Variants in RAP1GAP2 observed in about 807,000 individuals in gnomAD.
RAP1GAP2 encodes RAP1 GTPase activating protein 2.
In RAP1GAP2, 27 loss-of-function variants were observed where a neutral mutation model predicts 95.0. The ratio of observed to expected loss-of-function variants is 0.28; its 90% CI spans 0.21 to 0.39. The LOEUF (loss-of-function observed/expected upper bound fraction) is 0.39, where lower values mean the gene tolerates loss of function less well. Ranked by LOEUF, RAP1GAP2 falls within the 10% of genes least tolerant of loss-of-function variation. RAP1GAP2 has a pLI of 1.00. For synonymous variants in RAP1GAP2, 373 were observed against 380.9 expected, an observed-to-expected ratio of 0.98 and a Z score of 0.24; for missense variants, 771 against 970.0, an observed-to-expected ratio of 0.79 and a Z score of 2.72.
chr17:2,880,610 CTG>C lies in RAP1GAP2; in HGVS notation c.81-24672_81-24671del, dbSNP rs1015936306. Among the ~76,000 whole-genome samples, 94 of 152,018 alleles carry C rather than the reference CTG, an allele frequency of 6.2e-4. 1 individual carries two copies. Among genetic ancestry groups the C allele is most frequent in the Non-Finnish European group, 1.6e-4 (11 of 68,008 alleles). ...ACCATGTTCATCATCCAGATGGAAA[CTG>C]TATCCATTAGCCGTCACTCCCACCC... On this transcript the variant is annotated intron_variant, in intron 2 of 24. Transcript: ENST00000254695.
chr17:3,025,857 T>G, intron 19 of RAP1GAP2, 151 bp from the exon 20 acceptor site: 1 of 632,100 alleles, frequency 1.6e-6, no homozygotes, highest in Non-Finnish European at 2.9e-6. Context: ...GGGGCTCAGG[T>G]GGGAAAGGAC....
chr17:2,767,353 C>T (rs565036285), intron 1 of RAP1GAP2, among the ~76,000 whole-genome samples: 1 of 90,464 alleles, frequency 1.1e-5, no homozygotes, highest in East Asian at 3.7e-4. Flanking sequence ...CAGAGTGAGA[C>T]TCTGTTAAAA....
intron 14 of RAP1GAP2, among the ~76,000 whole-genome samples, chr17:3,002,848 T>A (rs2046207578): frequency 6.6e-6 from 1 of 152,164 alleles, no homozygotes; most frequent in Non-Finnish European, 1.5e-5. Context: ...ATTAGACACC[T>A]GCAGGCTGCT....
chr17:2,854,717 G>GT (rs770887436), intron 2 of RAP1GAP2, among the ~76,000 whole-genome samples: 2 of 152,246 alleles, frequency 1.3e-5, no homozygotes, highest in Non-Finnish European at 2.9e-5. Flanking sequence ...TGTGGTGGGA[G>GT]GTGTGGGGTT....
chr17:2,765,913 G>A lies in RAP1GAP2; in HGVS notation c.51-4416G>A, dbSNP rs1390698391. 3.3e-5 allele frequency among the ~76,000 whole-genome samples: 5 copies of A among 152,252 alleles called. No individual in the cohort carries two copies. The East Asian group carries it at 7.7e-4, about 24-fold the overall frequency. On this transcript the variant is annotated intron_variant, in intron 1 of 25. Coordinates refer to the RAP1GAP2 transcript ENST00000637138. ...GAACCCGGGAGGTGGAGGTTGCAGT[G>A]AGCCAAGATTGCACCACTGCACTCC...
intron 3 of RAP1GAP2, among the ~76,000 whole-genome samples, chr17:2,921,538 G>C (rs1418589735): frequency 3.3e-5 from 5 of 152,172 alleles, no homozygotes; most frequent in African/African-American, 1.2e-4. Context: ...GAGGCCAGAA[G>C]TCTGGAATTA....
At chr17:2,924,474 T>TG (rs137965537) in intron 3 of RAP1GAP2, among the ~76,000 whole-genome samples, 3,908 of 151,040 alleles carry the variant, frequency 0.026, 77 homozygotes, top group Non-Finnish European at 0.035. Context: ...AAGCCAGAAG[T>TG]GGGGGTGGAT....
At position 2,950,408 on chromosome 17, in the gene RAP1GAP2, G is replaced by A. The variant is rs974128581; in HGVS notation, c.166-7351G>A. ...TGTCTCTGGGAAGACCAATGAAATC[G>A]AGAAAAAGTATCTTGAAGCTGCTAG... On this transcript the variant is annotated intron_variant, in intron 3 of 24. Transcript: ENST00000254695. Among the ~76,000 whole-genome samples, 15 of 152,010 alleles carry A rather than the reference G, an allele frequency of 9.9e-5. No homozygotes were observed. The South Asian group carries it at 1.0e-3, about 11-fold the overall frequency.
intron 2 of RAP1GAP2, among the ~76,000 whole-genome samples, chr17:2,874,194 G>A (rs376910821): frequency 6.6e-6 from 1 of 152,202 alleles, no homozygotes; most frequent in Non-Finnish European, 1.5e-5. Context: ...GATTAAATAA[G>A]AGGCATAAGA....
At chr17:2,888,744 C>G (rs541353565) in intron 2 of RAP1GAP2, among the ~76,000 whole-genome samples, 1 of 150,802 alleles carries the variant, frequency 6.6e-6, no homozygotes, top group East Asian at 1.9e-4. Context: ...CTCCGCCTCC[C>G]GGGTTCAAGT....
chr17:3,015,754 A>G (rs916728562), intron 17 of RAP1GAP2, among the ~76,000 whole-genome samples: 9 of 152,010 alleles, frequency 5.9e-5, no homozygotes, highest in African/African-American at 1.2e-4. Flanking sequence ...GAAGCGGAGG[A>G]TGCTGTGAGC....
intron 3 of RAP1GAP2, among the ~76,000 whole-genome samples, chr17:2,937,456 G>A (rs550632456): frequency 2.0e-5 from 3 of 152,232 alleles, no homozygotes; most frequent in East Asian, 1.9e-4. Flanking sequence ...CTGCAGGAAC[G>A]GGCATGGCAG....
At chr17:2,921,644 C>G (rs910753767) in intron 3 of RAP1GAP2, among the ~76,000 whole-genome samples, 1 of 149,912 alleles carries the variant, frequency 6.7e-6, no homozygotes, top group Admixed American at 6.7e-5. Flanking sequence ...TCAGCAGGGC[C>G]GTTATGTGTC....
intron 2 of RAP1GAP2, among the ~76,000 whole-genome samples, chr17:2,881,670 ATTGT>A (rs1160380667): frequency 6.6e-6 from 1 of 152,112 alleles, no homozygotes; most frequent in African/African-American, 2.4e-5. Context: ...TCATATGGTA[ATTGT>A]TTGTGTAACT....
upstream of RAP1GAP2, among the ~76,000 whole-genome samples, chr17:2,776,713 G>A (rs2068508543): frequency 6.7e-6 from 1 of 149,448 alleles, no homozygotes; most frequent in Non-Finnish European, 1.5e-5. Flanking sequence ...GGCGGCGAGG[G>A]GCGCCAGGTG....
intron 2 of RAP1GAP2, among the ~76,000 whole-genome samples, chr17:2,832,933 G>A (rs576866145): frequency 5.9e-5 from 9 of 151,940 alleles, no homozygotes; most frequent in South Asian, 2.1e-4. Context: ...GAGCGAGATC[G>A]CACCACTGCA....
intron 1 of RAP1GAP2, among the ~76,000 whole-genome samples, chr17:2,767,787 C>T (rs937142851): frequency 2.7e-5 from 4 of 149,512 alleles, no homozygotes; most frequent in African/African-American, 7.4e-5. Context: ...GGCTGGAGTG[C>T]GGTGGCACGA....
chr17:2,790,575 G>T (rs1045907054), intron 1 of RAP1GAP2, among the ~76,000 whole-genome samples: 2 of 151,818 alleles, frequency 1.3e-5, no homozygotes, highest in Admixed American at 1.3e-4. Flanking sequence ...GCTCCAGGGG[G>T]TTAGTACTGG....
chr17:2,793,617 G>A (rs114040480), upstream of RAP1GAP2, among the ~76,000 whole-genome samples: 458 of 152,358 alleles, frequency 3.0e-3, 3 homozygotes, highest in African/African-American at 0.01. Flanking sequence ...TGGGCTGACT[G>A]TTCCCACTTT....
Sources: gnomAD v4.1 joint callset for allele counts (sites outside exome capture counted in the v4.1 genomes callset) on GRCh38, gnomAD v4.1.1 for gene constraint, MANE v1.5 for transcripts, NCBI Gene and HGNC (gene_info 2026-07-23, HGNC 2026-07-21) for gene names.